Variants in ORC5 observed in about 807,000 individuals in gnomAD.
The protein encoded by ORC5 is origin recognition complex subunit 5.
Under a neutral mutation model 58.8 loss-of-function variants are expected in ORC5, and 39 were observed. That is an observed-to-expected ratio of 0.66 (90% CI 0.51 to 0.87). The LOEUF (loss-of-function observed/expected upper bound fraction) is 0.87. ORC5 is among the 40% of genes least tolerant of loss of function. ORC5 has a pLI of 0.00. For missense variants in ORC5, 493 were observed against 506.3 expected, an observed-to-expected ratio of 0.97 and a Z score of 0.25; for synonymous variants, 218 against 177.6, an observed-to-expected ratio of 1.23 and a Z score of -1.81.
intron 12 of ORC5, among the ~76,000 whole-genome samples, chr7:104,154,215 C>G (rs1798889156): frequency 6.6e-6 from 1 of 151,936 alleles, no homozygotes; most frequent in African/African-American, 2.4e-5. Context: ...TTGTCTGACA[C>G]CAATGTCATA....
At position 104,200,838 on chromosome 7, in the gene ORC5, A is replaced by G. The variant is rs1382040251; in HGVS notation, c.286T>C (p.Cys96Arg). The G allele has an allele frequency of 5.6e-6, 9 of 1,612,690 alleles. No individual in the cohort carries two copies. The Admixed American group carries it at 6.7e-5, about 12-fold the overall frequency. Residue 96 changes from cysteine to arginine, a missense_variant, in exon 3 of 14, where the codon TGT (cysteine) becomes CGT (arginine). Physicochemically the swap from Cys to Arg is radical, Grantham distance 180 (BLOSUM62 -3). This residue lies in a region of ORC5 where 412 missense variants were observed against 403.7 expected (regional missense o/e 1.02). Coordinates refer to ENST00000297431, the MANE Select transcript of ORC5 (RefSeq NM_002553.4). ...SEDGCSTEIT[C>R]ETFNDFVRLF... ...CGAACAAAGTCATTAAATGTTTCAC[A>G]GGTTATTTCAGTAGAACATCCATCC...
chr7:104,205,084 C>CTTTTTT (rs769195880), intron 1 of ORC5, among the ~76,000 whole-genome samples: 81 of 102,386 alleles, frequency 7.9e-4, no homozygotes, highest in African/African-American at 2.5e-3. Context: ...TTTAATAATA[C>CTTTTTT]TCTTTTTTTT....
chr7:104,207,771 C>G, intron 1 of ORC5, 62 bp downstream of exon 1: 1 of 1,491,764 alleles, frequency 6.7e-7, no homozygotes, highest in Non-Finnish European at 9.3e-7. Flanking sequence ...AATATTGGAA[C>G]AGGTCGCAAG....
rs200891639 is a variant in ORC5, at chr7:104,207,924, G to A, written c.-20C>T. The A allele has an allele frequency of 7.4e-6, 12 of 1,612,788 alleles. No homozygotes were observed. In the East Asian group the frequency reaches 8.9e-5, roughly 12 times the overall value. On this transcript the variant is annotated 5_prime_UTR_variant, in exon 1 of 14. Coordinates refer to ENST00000297431, the MANE Select transcript of ORC5 (RefSeq NM_002553.4). ...GGGCATTCTGGCAGGCACCACCGCA[G>A]AGGCCAGTGCAGCCAGCCCACAGGA...
chr7:104,170,414 A>G (rs1428712806), intron 8 of ORC5, among the ~76,000 whole-genome samples: 1 of 152,180 alleles, frequency 6.6e-6, no homozygotes, highest in African/African-American at 2.4e-5. Flanking sequence ...TAGGCCCAAT[A>G]GAGTCAGAAG....
At chr7:104,140,667 C>T (rs1584480089) in intron 12 of ORC5, among the ~76,000 whole-genome samples, 1 of 152,280 alleles carries the variant, frequency 6.6e-6, no homozygotes, top group South Asian at 2.1e-4. Flanking sequence ...TGGTGGCCAC[C>T]CTGCCTGTTC....
intron 13 of ORC5, among the ~76,000 whole-genome samples, chr7:104,135,778 A>G (rs1344412718): frequency 1.3e-5 from 2 of 152,306 alleles, no homozygotes; most frequent in Middle Eastern, 3.4e-3. Context: ...ATAATGTCTC[A>G]TGCCTAAATA....
intron 5 of ORC5, among the ~76,000 whole-genome samples, chr7:104,192,004 G>A (rs1799687461): frequency 6.6e-6 from 1 of 152,072 alleles, no homozygotes; most frequent in Non-Finnish European, 1.5e-5. Context: ...GGCAGTAACG[G>A]ACCGTAATAC....
intron 6 of ORC5, chr7:104,184,404 C>A: frequency 2.2e-6 from 1 of 449,292 alleles, no homozygotes; most frequent in Non-Finnish European, 3.9e-6. Context: ...GCTGTGACTG[C>A]ACCTGTGAAC....
intron 8 of ORC5, among the ~76,000 whole-genome samples, chr7:104,173,845 CTTTTTTTT>C (rs71154394): frequency 2.7e-5 from 3 of 111,100 alleles, no homozygotes; most frequent in East Asian, 2.6e-4. Context: ...AAAATTTTTT[CTTTTTTTT>C]TTTTTTTTTG....
chr7:104,174,028 T>C (rs1799270629), intron 8 of ORC5, among the ~76,000 whole-genome samples: 1 of 151,114 alleles, frequency 6.6e-6, no homozygotes, highest in East Asian at 1.9e-4. Context: ...GTATTTTTAG[T>C]AGAGACGGGG....
rs552294710 is a variant in ORC5, at chr7:104,188,080, T to C, written c.684+171A>G. 2.8e-5 allele frequency: 27 copies of C among 953,886 alleles called. 1 individual carries two copies. In the Middle Eastern group the frequency reaches 1.4e-3, roughly 51 times the overall value. The allele number at this position is 953,886 out of a possible 1,614,324, so 59.1% of individuals were successfully genotyped here. A position where few individuals can be genotyped will look rare whatever the true frequency, so the allele number is the denominator to read the frequency against. The stretch of plus-strand genomic sequence containing the variant: ...CCCACAGACATCTACCTTCTTATGG[T>C]ATGTTAGTCTCTAGAGGCCATATGC... On this transcript the variant is annotated intron_variant, in intron 6 of 13. Transcript: ENST00000297431.
At chr7:104,153,703 T>G (rs1370548656) in intron 12 of ORC5, among the ~76,000 whole-genome samples, 1 of 152,156 alleles carries the variant, frequency 6.6e-6, no homozygotes, top group African/African-American at 2.4e-5. Context: ...CATGGAATTT[T>G]AAGGAAAACT....
At chr7:104,143,880 A>C (rs1562805453) in intron 12 of ORC5, among the ~76,000 whole-genome samples, 1 of 152,140 alleles carries the variant, frequency 6.6e-6, no homozygotes, top group Non-Finnish European at 1.5e-5. Flanking sequence ...GCACTTTGGG[A>C]GGCAGAGACA....
In ORC5 at chr7:104,200,914, C is replaced by T. The variant is rs140435138; in HGVS notation, c.210G>A (p.Arg70=). The T allele has an allele frequency of 5.0e-6, 8 of 1,613,670 alleles. No individual in the cohort carries two copies. Among genetic ancestry groups the T allele is most frequent in the Non-Finnish European group, 6.8e-6 (8 of 1,179,702 alleles). The change falls in exon 3 of 14, where the codon AGG becomes AGA. Residue 70 remains arginine (R), a synonymous_variant. Transcript: ENST00000297431. ...FVNCVECFTL[R]LLLEQILNKL... ...TGTTTAAAATTTGTTCCAAAAGCAG[C>T]CTCAATGTAAAGCATTCAACACAAT...
At chr7:104,161,012 G>C in intron 12 of ORC5, 60 bp downstream of exon 12, 2 of 907,828 alleles carry the variant, frequency 2.2e-6, no homozygotes, top group South Asian at 2.7e-5. Context: ...GAATTCTATT[G>C]ACTCTACTAT....
At chr7:104,161,535 T>C (rs1218261360) in intron 11 of ORC5, among the ~76,000 whole-genome samples, 1 of 152,092 alleles carries the variant, frequency 6.6e-6, no homozygotes, top group African/African-American at 2.4e-5. Context: ...AATGTTTGGG[T>C]ATTTTTACAA....
At chr7:104,139,571 G>C (rs920929761) in intron 12 of ORC5, among the ~76,000 whole-genome samples, 1 of 151,944 alleles carries the variant, frequency 6.6e-6, no homozygotes, top group African/African-American at 2.4e-5. Context: ...CTTATGTAGA[G>C]AAAATCCTAT....
At chr7:104,166,602 C>A (rs1175769288) in intron 10 of ORC5, among the ~76,000 whole-genome samples, 170 bp downstream of exon 10, 1 of 152,156 alleles carries the variant, frequency 6.6e-6, no homozygotes, top group Non-Finnish European at 1.5e-5. Flanking sequence ...TACCTTTTCT[C>A]AAATTTGAGG....
Sources: gnomAD v4.1 joint callset for allele counts (sites outside exome capture counted in the v4.1 genomes callset) on GRCh38, gnomAD v4.1.1 for gene constraint, gnomAD v4.1.1 regional missense constraint, MANE v1.5 for transcripts, NCBI Gene and HGNC (gene_info 2026-07-23, HGNC 2026-07-21) for gene names.